The following NEBL variants were observed in gnomAD, a reference collection of about 807,000 sequenced individuals.
The protein encoded by NEBL is nebulette, also known as LIM and SH3 protein 2.
NEBL carries 122 observed loss-of-function variants against 140.2 expected under a neutral mutation model. That is an observed-to-expected ratio of 0.87 (90% confidence interval 0.75 to 1.01). The LOEUF (loss-of-function observed/expected upper bound fraction) is 1.01. NEBL is among the 50% of genes least tolerant of loss of function. NEBL has a pLI of 0.00. For missense variants in NEBL, 1,365 were observed against 1,231.3 expected (o/e 1.11, Z -1.62); for synonymous variants, 436 against 398.9 (o/e 1.09, Z -1.11).
chr10:20,954,325 C>T lies in NEBL; in HGVS notation c.357+7347G>A, dbSNP rs545228666. Among the ~76,000 whole-genome samples, 27 of 152,174 alleles carry T rather than the reference C, an allele frequency of 1.8e-4. No homozygotes were observed. In the Middle Eastern group the frequency reaches 0.014, roughly 77 times the overall value. On this transcript the variant is annotated intron_variant, in intron 4 of 6. Coordinates refer to the NEBL transcript ENST00000417816. The stretch of plus-strand genomic sequence containing the variant: ...AAAAATATTTGTTGACACAAATGGT[C>T]GATACATTTGTTTATTAAATATGGC...
At chr10:21,103,333 C>A (rs1452357953) in intron 2 of NEBL, among the ~76,000 whole-genome samples, 7 of 151,732 alleles carry the variant, frequency 4.6e-5, no homozygotes, top group African/African-American at 1.5e-4. Flanking sequence ...CCTGCCTCAG[C>A]CTCCCCAGTA....
At chr10:21,263,166 G>A (rs144820256) in intron 1 of NEBL, among the ~76,000 whole-genome samples, 13 of 152,284 alleles carry the variant, frequency 8.5e-5, no homozygotes, top group Admixed American at 5.9e-4. Flanking sequence ...TACTCTTAGC[G>A]TAGGTATTTA....
intron 4 of NEBL, among the ~76,000 whole-genome samples, chr10:20,915,670 G>C (rs1418106771): frequency 1.3e-5 from 2 of 151,838 alleles, no homozygotes; most frequent in African/African-American, 2.4e-5. Context: ...GGACATTTGG[G>C]TTGGTTCCAA....
At chr10:20,907,878 A>G (rs1333966076) in intron 4 of NEBL, among the ~76,000 whole-genome samples, 1 of 152,160 alleles carries the variant, frequency 6.6e-6, no homozygotes, top group Admixed American at 6.6e-5. Context: ...TCCAAATGCA[A>G]TGAAGTGCTT....
chr10:20,884,276 T>G (rs1196659594), intron 4 of NEBL, among the ~76,000 whole-genome samples: 2 of 152,210 alleles, frequency 1.3e-5, no homozygotes, highest in African/African-American at 4.8e-5. Flanking sequence ...GGAGTCTCAC[T>G]ATGTTGCCCA....
intron 2 of NEBL, chr10:21,113,455 G>T: frequency 1.5e-5 from 6 of 399,798 alleles, no homozygotes; most frequent in South Asian, 1.3e-4. Context: ...CTGGATGACT[G>T]ACCAGGAGGC....
chr10:21,044,280 C>A (rs1241829040), intron 2 of NEBL, among the ~76,000 whole-genome samples: 1 of 151,524 alleles, frequency 6.6e-6, no homozygotes, highest in Non-Finnish European at 1.5e-5. Flanking sequence ...GCCTGTAATC[C>A]CAGCAGCTCA....
chr10:20,967,609 C>T (rs562578465), intron 3 of NEBL, among the ~76,000 whole-genome samples: 1 of 150,654 alleles, frequency 6.6e-6, no homozygotes, highest in East Asian at 2.0e-4. Context: ...GCCTGGGTGA[C>T]AGAGCGAGAC....
intron 3 of NEBL, among the ~76,000 whole-genome samples, chr10:21,014,479 A>G (rs1027563966): frequency 2.0e-5 from 3 of 152,204 alleles, no homozygotes; most frequent in African/African-American, 7.2e-5. Flanking sequence ...AAACTTTTGG[A>G]CAATGCTATC....
At chr10:21,260,442 G>T (rs1842723564) in intron 1 of NEBL, among the ~76,000 whole-genome samples, 1 of 152,156 alleles carries the variant, frequency 6.6e-6, no homozygotes, top group East Asian at 1.9e-4. Flanking sequence ...TAGAAACATT[G>T]ACTTTTAATT....
At chr10:21,181,260 T>C (rs1037623063) in intron 3 of NEBL, among the ~76,000 whole-genome samples, 3 of 137,236 alleles carry the variant, frequency 2.2e-5, no homozygotes, top group Admixed American at 7.2e-5. Context: ...TGAAACTCTG[T>C]CTCAAAAAAA....
In NEBL at chr10:20,884,909, G is replaced by A. The variant is rs547380942; in HGVS notation, c.369+3188C>T. Among the ~76,000 whole-genome samples the A allele has an allele frequency of 3.3e-4, 51 of 152,274 alleles. No homozygotes were observed. In the East Asian group the frequency reaches 9.8e-3, roughly 29 times the overall value. ...CTGTGCTTATAAAATTGTTAACAGG[G>A]GATAGCTAATAAAATGGCCTCCTAA... On this transcript the variant is annotated intron_variant, in intron 4 of 27. Coordinates refer to ENST00000377122, the MANE Select transcript of NEBL (RefSeq NM_006393.3).
intron 5 of NEBL, among the ~76,000 whole-genome samples, chr10:20,870,325 CAAA>C (rs35138107): frequency 1.9e-5 from 2 of 107,918 alleles, no homozygotes; most frequent in Non-Finnish European, 3.6e-5. Context: ...GACTTTATCT[CAAA>C]AAAAAAAAAA....
intron 2 of NEBL, among the ~76,000 whole-genome samples, chr10:21,122,275 C>T (rs985094334): frequency 6.6e-6 from 1 of 152,080 alleles, no homozygotes; most frequent in African/African-American, 2.4e-5. Flanking sequence ...ATTCGCCCAC[C>T]TCAGCCTCCC....
chr10:21,256,239 T>C (rs1842658575), intron 1 of NEBL, among the ~76,000 whole-genome samples: 1 of 152,000 alleles, frequency 6.6e-6, no homozygotes, highest in Admixed American at 6.6e-5. Flanking sequence ...GGCTAATTTT[T>C]GTATTTTTAG....
At chr10:20,873,161 A>G (rs545031932) in intron 5 of NEBL, among the ~76,000 whole-genome samples, 1 of 152,316 alleles carries the variant, frequency 6.6e-6, no homozygotes, top group East Asian at 1.9e-4. Context: ...GGAAGAATAA[A>G]AAATGTAACA....
In NEBL at chr10:20,809,339, T is replaced by C. The variant is rs189863422; in HGVS notation, c.2611+467A>G. Among the ~76,000 whole-genome samples the C allele has an allele frequency of 4.0e-3, 602 of 152,320 alleles. 6 individuals carry two copies. The highest frequency in any genetic ancestry group is 0.014 in the African/African-American group (576 of 41,576). Reference sequence around the variant, plus strand: ...CTATGCTTGCCATGTAAACTATTCATTTTACATTATATAAAATGTCAAAGA... The same window carrying C: ...CTATGCTTGCCATGTAAACTATTCACTTTACATTATATAAAATGTCAAAGA... On this transcript the variant is annotated intron_variant, in intron 25 of 27. Transcript: ENST00000377122.
intron 7 of NEBL, among the ~76,000 whole-genome samples, chr10:20,865,114 A>G (rs1408051720): frequency 6.6e-6 from 1 of 152,144 alleles, no homozygotes; most frequent in Admixed American, 6.6e-5. Context: ...ACTTTCTTCT[A>G]AGGGCTCTCA....
chr10:20,853,601 A>G (rs1484762605), intron 9 of NEBL, among the ~76,000 whole-genome samples: 4 of 152,156 alleles, frequency 2.6e-5, no homozygotes, highest in African/African-American at 7.2e-5. Context: ...TGTGGGAGCT[A>G]AAATAGTGAG....
Sources: gnomAD v4.1 joint callset for allele counts (sites outside exome capture counted in the v4.1 genomes callset) on GRCh38, gnomAD v4.1.1 for gene constraint, MANE v1.5 for transcripts, NCBI Gene and HGNC (gene_info 2026-07-23, HGNC 2026-07-21) for gene names.